Variants in FAM240B observed in about 807,000 individuals in gnomAD.
FAM240B encodes protein FAM240B.
Position 38,703,899 on chromosome 9 carries a change from C to T in FAM240B, c.101G>A (p.Arg34Gln), listed in dbSNP as rs1023171399. The change falls in exon 2 of 3, where the codon CGA (arginine) becomes CAA (glutamine). Residue 34 changes from arginine (R) to glutamine (Q), a missense_variant. Coordinates refer to ENST00000637493, the MANE Select transcript of FAM240B (RefSeq NM_001394922.1). ...EKEISKQTFY[R>Q]ELEEDRQERS... is the part of the protein sequence containing the mutation. Reference sequence around the variant, plus strand: ...TTCTTGACGATCTTCCTCCAGTTCTCGGTAAAAAGTCTGTTTGCTAATTTC... The same window carrying T: ...TTCTTGACGATCTTCCTCCAGTTCTTGGTAAAAAGTCTGTTTGCTAATTTC... 3.0e-5 allele frequency: 12 copies of T among 400,420 alleles called. No homozygotes were observed. The highest frequency in any genetic ancestry group is 4.9e-5 in the Non-Finnish European group (11 of 226,122). The allele number at this position is 400,420 out of a possible 1,614,324, so 24.8% of individuals were successfully genotyped here.
At chr9:38,705,588 C>CAAAAA (rs67726050) in intron 1 of FAM240B, 5 of 101,114 alleles carry the variant, frequency 4.9e-5, no homozygotes, top group Admixed American at 3.5e-4. Context: ...GACTCCAACT[C>CAAAAA]AAAAAAAAAA....
At chr9:38,715,584 G>C (rs1322961153) in intron 1 of FAM240B, among the ~76,000 whole-genome samples, 2 of 152,056 alleles carry the variant, frequency 1.3e-5, no homozygotes, top group African/African-American at 4.8e-5. Flanking sequence ...CATGGGGCAT[G>C]GTCCCAGAGT....
intron 1 of FAM240B, among the ~76,000 whole-genome samples, chr9:38,710,236 G>C (rs1309059876): frequency 6.6e-6 from 1 of 152,144 alleles, no homozygotes; most frequent in African/African-American, 2.4e-5. Context: ...CCAAAGTGCT[G>C]GGATTACAGG....
chr9:38,708,399 G>A (rs1223248421), intron 1 of FAM240B, among the ~76,000 whole-genome samples: 1 of 152,104 alleles, frequency 6.6e-6, no homozygotes, highest in Admixed American at 6.6e-5. Context: ...GCAGGAACCG[G>A]GATTGGAGTT....
At chr9:38,709,878 C>T (rs562887250) in intron 1 of FAM240B, among the ~76,000 whole-genome samples, 6 of 152,312 alleles carry the variant, frequency 3.9e-5, no homozygotes, top group African/African-American at 9.6e-5. Flanking sequence ...TGCACACTCA[C>T]GTGCCTTCTA....
intron 1 of FAM240B, among the ~76,000 whole-genome samples, chr9:38,707,806 A>G (rs1821208572): frequency 6.6e-6 from 1 of 151,758 alleles, no homozygotes. Context: ...AAAAAAAAAA[A>G]AAAAAATTAG....
At chr9:38,709,785 T>C (rs940267480) in intron 1 of FAM240B, among the ~76,000 whole-genome samples, 3 of 152,204 alleles carry the variant, frequency 2.0e-5, no homozygotes, top group Non-Finnish European at 4.4e-5. Context: ...CTCCTATTTT[T>C]TACATGAGCA....
intron 1 of FAM240B, among the ~76,000 whole-genome samples, chr9:38,707,604 T>TAA (rs1389678737): frequency 0.079 from 8,211 of 104,218 alleles, 327 homozygotes; most frequent in Non-Finnish European, 0.12. Context: ...CCGTCTCTAC[T>TAA]AAAAAAAACA....
intron 1 of FAM240B, among the ~76,000 whole-genome samples, chr9:38,715,854 G>A (rs889497544): frequency 6.6e-6 from 1 of 152,030 alleles, no homozygotes; most frequent in African/African-American, 2.4e-5. Flanking sequence ...ACATACACTG[G>A]GTGCACATAG....
At position 38,694,508 on chromosome 9, in the gene FAM240B, T is replaced by G; in HGVS notation, c.*268A>C. ...CTAGGCTACATGGGTCTGTGAGACC[T>G]GGAGAGTGCTAATTCCAAGAGCTCT... On this transcript the variant is annotated 3_prime_UTR_variant, in exon 3 of 3. Coordinates refer to ENST00000637493, the MANE Select transcript of FAM240B (RefSeq NM_001394922.1). 3.1e-6 allele frequency: 1 copy of G among 327,004 alleles called. No individual in the cohort carries two copies. The highest frequency in any genetic ancestry group is 5.5e-6 in the Non-Finnish European group (1 of 181,262). 20.3% of individuals were successfully genotyped at this position (327,004 alleles called of 1,614,324 possible). A position where few individuals can be genotyped will look rare whatever the true frequency, so the allele number is the denominator to read the frequency against.
At chr9:38,713,574 G>A (rs766294329) in intron 1 of FAM240B, among the ~76,000 whole-genome samples, 5 of 150,124 alleles carry the variant, frequency 3.3e-5, no homozygotes, top group African/African-American at 7.3e-5. Context: ...TTGAATCAAT[G>A]GACAAAACTG....
intron 1 of FAM240B, among the ~76,000 whole-genome samples, chr9:38,715,463 A>G (rs1019830016): frequency 6.6e-6 from 1 of 152,262 alleles, no homozygotes; most frequent in Non-Finnish European, 1.5e-5. Context: ...AGAGGCCACA[A>G]GCTCGGAAGC....
intron 1 of FAM240B, among the ~76,000 whole-genome samples, chr9:38,716,762 G>C (rs1248486302): frequency 1.3e-5 from 2 of 152,132 alleles, no homozygotes. Context: ...CTTTTTTCCT[G>C]AACCGGAAAC....
intron 1 of FAM240B, among the ~76,000 whole-genome samples, chr9:38,718,750 T>TAA (rs5897749): frequency 0.025 from 3,692 of 148,726 alleles, 141 homozygotes; most frequent in African/African-American, 0.084. Context: ...TTGAGATAAG[T>TAA]AAAAAAAAAA....
rs140793207 is a variant in FAM240B at position 38,715,201 on chromosome 9, G to A, written c.-4+4821C>T. Among the ~76,000 whole-genome samples, 765 of 152,302 alleles carry A rather than the reference G, an allele frequency of 5.0e-3. 11 individuals carry two copies. The highest frequency in any genetic ancestry group is 0.017 in the African/African-American group (724 of 41,560). ...GATATTCCGTCCTGGAGCCAGCAGC[G>A]TCCTGCTGTTTAGCCCTGTGTCATG... On this transcript the variant is annotated intron_variant, in intron 1 of 2. Transcript: ENST00000637493.
At chr9:38,695,833 A>G (rs1040719911) in intron 2 of FAM240B, among the ~76,000 whole-genome samples, 1 of 152,256 alleles carries the variant, frequency 6.6e-6, no homozygotes, top group African/African-American at 2.4e-5. Context: ...AAGGCAGTGA[A>G]CAAACAAATA....
Position 38,710,869 on chromosome 9 carries a change from G to C in FAM240B, c.-3-6867C>G, listed in dbSNP as rs147712124. On this transcript the variant is annotated intron_variant, in intron 1 of 2. Transcript: ENST00000637493. ...AGCGTCTTCTTATCCTCATTTTACA[G>C]AGGACGTACAAAGAGGCAAGCCACT... is the stretch of plus-strand genomic sequence containing the variant. Among the ~76,000 whole-genome samples, 21 of 152,188 alleles carry C rather than the reference G, an allele frequency of 1.4e-4. No individual in the cohort carries two copies. In the East Asian group the frequency reaches 3.9e-3, roughly 28 times the overall value.
At chr9:38,711,859 T>A (rs548705284) in intron 1 of FAM240B, among the ~76,000 whole-genome samples, 1 of 152,182 alleles carries the variant, frequency 6.6e-6, no homozygotes, top group African/African-American at 2.4e-5. Flanking sequence ...GGTTTCAGCA[T>A]GTTGGTCAGG....
rs1329112189 is a variant in FAM240B at position 38,703,972 on chromosome 9, C to T, written c.28G>A (p.Val10Ile). ...TCATGACAAGTTCCACAGCAGAAGA[C>T]TTCTCGACGGATGTATTGATTGTTC... Reference protein sequence around the residue: MNNQYIRREVFCCGTCHELK... With the variant: MNNQYIRREIFCCGTCHELK... Residue 10 changes from valine to isoleucine, a missense_variant, in exon 2 of 3, where the codon GTC becomes ATC. Val to Ile is a conservative substitution (Grantham distance 29). Transcript: ENST00000637493. 2 of 400,326 alleles carry T rather than the reference C, an allele frequency of 5.0e-6. No individual in the cohort carries two copies. The highest frequency in any genetic ancestry group is 8.8e-6 in the Non-Finnish European group (2 of 226,092). The allele number at this position is 400,326 out of a possible 1,614,324, so 24.8% of individuals were successfully genotyped here. A position where few individuals can be genotyped will look rare whatever the true frequency, so the allele number is the denominator to read the frequency against.
Sources: gnomAD v4.1 joint callset for allele counts (sites outside exome capture counted in the v4.1 genomes callset) on GRCh38, gnomAD v4.1.1 for gene constraint, MANE v1.5 for transcripts, NCBI Gene and HGNC (gene_info 2026-07-23, HGNC 2026-07-21) for gene names.